The following FUCA1 variants were observed in gnomAD, a reference collection of about 807,000 sequenced individuals.
FUCA1 encodes alpha-L-fucosidase 1, also known as tissue alpha-L-fucosidase.
Under a neutral mutation model 56.8 loss-of-function variants are expected in FUCA1, and 52 were observed. The ratio of observed to expected loss-of-function variants is 0.92; its 90% CI spans 0.73 to 1.15. The LOEUF is 1.15. Ranked by LOEUF, FUCA1 falls within the 50% of genes most tolerant of loss-of-function variation. FUCA1 has a pLI of 0.00. For missense variants in FUCA1, 568 were observed against 592.6 expected, an observed-to-expected ratio of 0.96 and a Z score of 0.43; for synonymous variants, 230 against 226.6, an observed-to-expected ratio of 1.02 and a Z score of -0.14.
At chr1:23,854,793 C>T (rs140192920) in intron 4 of FUCA1, among the ~76,000 whole-genome samples, 52 of 152,242 alleles carry the variant, frequency 3.4e-4, no homozygotes, top group African/African-American at 1.1e-3. Flanking sequence ...TGTTACTAAA[C>T]GTCCTACAAT....
intron 1 of FUCA1, among the ~76,000 whole-genome samples, chr1:23,866,974 C>T (rs1639635153): frequency 6.6e-6 from 1 of 152,118 alleles, no homozygotes; most frequent in Non-Finnish European, 1.5e-5. Flanking sequence ...CTCTTTAGTA[C>T]AAGTGAATTC....
At chr1:23,856,310 T>C (rs1639389137) in intron 4 of FUCA1, among the ~76,000 whole-genome samples, 3 of 151,996 alleles carry the variant, frequency 2.0e-5, no homozygotes, top group African/African-American at 7.3e-5. Flanking sequence ...ATGTGAACGC[T>C]CCCTGTACAC....
intron 6 of FUCA1, among the ~76,000 whole-genome samples, chr1:23,847,130 T>C (rs1264880578): frequency 6.6e-6 from 1 of 151,396 alleles, no homozygotes; most frequent in Non-Finnish European, 1.5e-5. Flanking sequence ...GGAGGCAGTC[T>C]ATAAAACTCT....
At position 23,867,521 on chromosome 1, in the gene FUCA1, G is replaced by A. The variant is rs3003332; in HGVS notation, c.389+377C>T. On this transcript the variant is annotated intron_variant, in intron 1 of 7. Coordinates refer to ENST00000374479, the MANE Select transcript of FUCA1 (RefSeq NM_000147.5). This position sits in a 1 kb window ranked among gnomAD's most constrained non-coding sequence, Gnocchi z 4.9. Reference sequence around the variant, plus strand: ...GAAGAGGCTGCAGGGAGGCTGAAGTGACATGTCCAGGTTCACAGTTGAATT... The same window carrying A: ...GAAGAGGCTGCAGGGAGGCTGAAGTAACATGTCCAGGTTCACAGTTGAATT... 0.11 allele frequency among the ~76,000 whole-genome samples: 16,296 copies of A among 152,120 alleles called. 958 individuals are homozygous for A. The highest frequency in any genetic ancestry group is 0.21 in the East Asian group (1,081 of 5,162).
At chr1:23,849,876 C>T (rs1424519837) in intron 5 of FUCA1, among the ~76,000 whole-genome samples, 4 of 151,986 alleles carry the variant, frequency 2.6e-5, no homozygotes, top group Non-Finnish European at 5.9e-5. Context: ...CCACCGTGCT[C>T]AGCCAAGAGA....
intron 3 of FUCA1, among the ~76,000 whole-genome samples, chr1:23,861,572 A>C (rs1435446960): frequency 2.0e-5 from 3 of 152,324 alleles, no homozygotes; most frequent in Middle Eastern, 3.4e-3. Context: ...GATAATTACC[A>C]AAGTCTGTAC....
chr1:23,849,093 C>T (rs1242800824), intron 5 of FUCA1, among the ~76,000 whole-genome samples: 4 of 152,082 alleles, frequency 2.6e-5, no homozygotes, highest in African/African-American at 9.7e-5. Flanking sequence ...AGCGATTCTC[C>T]TGCCTCAGTC....
chr1:23,852,686 CG>C (rs1639289377), intron 5 of FUCA1, among the ~76,000 whole-genome samples: 1 of 152,092 alleles, frequency 6.6e-6, no homozygotes, highest in Non-Finnish European at 1.5e-5. Context: ...CTGTGTTGGC[CG>C]GGCTGGTCTC....
intron 2 of FUCA1, among the ~76,000 whole-genome samples, chr1:23,864,789 C>G (rs1320467487): frequency 6.6e-5 from 10 of 151,748 alleles, no homozygotes. Context: ...ACTGCAACCT[C>G]CGCCTCCTGG....
rs1375761919 is a variant in FUCA1, at chr1:23,867,788, C to G, written c.389+110G>C. 1.7e-5 allele frequency: 24 copies of G among 1,436,430 alleles called. No homozygotes were observed. The highest frequency in any genetic ancestry group is 2.1e-5 in the Non-Finnish European group (23 of 1,104,420). 89.0% of individuals were successfully genotyped at this position (1,436,430 alleles called of 1,614,324 possible). ...GCCGCAGGAGGCCACACGCGGGCCC[C>G]GGGGTCATGGGGGCGACCGGCAGCT... On this transcript the variant is annotated intron_variant, in intron 1 of 7. Transcript: ENST00000374479. This position sits in a 1 kb window ranked among gnomAD's most constrained non-coding sequence, Gnocchi z 4.9.
At chr1:23,856,328 G>A (rs951268804) in intron 4 of FUCA1, among the ~76,000 whole-genome samples, 1 of 152,120 alleles carries the variant, frequency 6.6e-6, no homozygotes, top group East Asian at 1.9e-4. Context: ...CACTCAGCCT[G>A]TCAAGGACAG....
At chr1:23,849,414 A>C (rs937741922) in intron 5 of FUCA1, among the ~76,000 whole-genome samples, 2 of 152,048 alleles carry the variant, frequency 1.3e-5, no homozygotes, top group Non-Finnish European at 2.9e-5. Flanking sequence ...ACTTCCTGTG[A>C]CACTGTACTT....
intron 3 of FUCA1, among the ~76,000 whole-genome samples, chr1:23,861,369 T>C (rs372331412): frequency 1.4e-5 from 2 of 146,158 alleles, no homozygotes; most frequent in South Asian, 2.2e-4. Flanking sequence ...CACACCAGCA[T>C]GGCACATGTA....
At chr1:23,857,643 C>T (rs1175074814) in intron 4 of FUCA1, among the ~76,000 whole-genome samples, 1 of 151,196 alleles carries the variant, frequency 6.6e-6, no homozygotes, top group Non-Finnish European at 1.5e-5. Context: ...ATTAGAGGTG[C>T]CCACCACCAC....
At chr1:23,860,885 T>A (rs1231012786) in intron 3 of FUCA1, among the ~76,000 whole-genome samples, 1 of 151,966 alleles carries the variant, frequency 6.6e-6, no homozygotes. Flanking sequence ...GTGATCCACC[T>A]GCCTCGGCTT....
intron 5 of FUCA1, among the ~76,000 whole-genome samples, chr1:23,854,039 G>C (rs1348877061): frequency 6.6e-6 from 1 of 150,828 alleles, no homozygotes; most frequent in African/African-American, 2.4e-5. Flanking sequence ...CCCTCTGTGA[G>C]AAACACCCAA....
chr1:23,853,005 G>A (rs1284647861), intron 5 of FUCA1, among the ~76,000 whole-genome samples: 30 of 147,470 alleles, frequency 2.0e-4, no homozygotes, highest in Middle Eastern at 7.0e-3. Flanking sequence ...GTCTCTGCCC[G>A]GCCGCCATCC....
intron 5 of FUCA1, among the ~76,000 whole-genome samples, chr1:23,852,682 T>G (rs999260463): frequency 1.3e-5 from 2 of 152,118 alleles, no homozygotes; most frequent in East Asian, 1.9e-4. Context: ...TTCGCTGTGT[T>G]GGCCGGGCTG....
rs1039560012 is a variant in FUCA1, at chr1:23,863,141, C to CAA, written c.653_654dup (p.Val219LeufsTer9). On this transcript the variant is annotated frameshift_variant, in exon 3 of 8. Transcript: ENST00000374479. LOFTEE classifies it high-confidence loss of function. ...AATATTTCAGTGTCTTACCTGTTAA[C>CAA]AAGGTCGTACAGCTCTGGCATTGTT... The CAA allele has an allele frequency of 6.2e-7, 1 of 1,613,840 alleles. No individual in the cohort carries two copies. The highest frequency in any genetic ancestry group is 1.3e-5 in the African/African-American group (1 of 75,022).
Sources: allele counts gnomAD v4.1 joint callset (sites outside exome capture counted in the v4.1 genomes callset), GRCh38; gene constraint gnomAD v4.1.1; non-coding constraint Gnocchi (gnomAD v3.1); transcripts MANE v1.5; gene names NCBI Gene and HGNC (gene_info 2026-07-23, HGNC 2026-07-21).